DNAJC5: variants seen among roughly 807,000 people sequenced by gnomAD.
DNAJC5 encodes dnaJ homolog subfamily C member 5.
Under a neutral mutation model 23.2 loss-of-function variants are expected in DNAJC5, and 1 was observed. The observed-to-expected ratio is 0.04, with a 90% CI of 0.02 to 0.20. The LOEUF is 0.20. Ranked by LOEUF, DNAJC5 falls within the 10% of genes least tolerant of loss-of-function variation. DNAJC5 has a pLI of 1.00. For synonymous variants in DNAJC5, 136 were observed against 120.0 expected (o/e 1.13, Z -0.87); for missense variants, 180 against 267.0 (o/e 0.67, Z 2.27).
At position 63,914,351 on chromosome 20, in the gene DNAJC5, G is replaced by A. The variant is rs1172271877; in HGVS notation, c.-11-13984G>A. On this transcript the variant is annotated intron_variant, in intron 1 of 4. Transcript: ENST00000360864. ...CTTTTTTGAGACGGAGTCTTGCTCT[G>A]TTGCCCAGGCTGGAGTGTAGTGGCG... Among the ~76,000 whole-genome samples, 3 of 152,334 alleles carry A rather than the reference G, an allele frequency of 2.0e-5. No homozygotes were observed. The East Asian group carries it at 5.8e-4, about 29-fold the overall frequency.
rs556760873 is a variant in DNAJC5, at chr20:63,911,848, AT to A, written c.-11-16476del. ...ACCATCACGCCTGGCGAGTTTTTGTATTTTTTTTTTTAATAGAGATGGGGTT... is the reference window on the plus strand; with the variant it reads ...ACCATCACGCCTGGCGAGTTTTTGTATTTTTTTTTTAATAGAGATGGGGTT... On this transcript the variant is annotated intron_variant, in intron 1 of 4. Transcript: ENST00000360864. Among the ~76,000 whole-genome samples the A allele has an allele frequency of 1.9e-3, 273 of 144,604 alleles. 1 individual carries two copies. The highest frequency in any genetic ancestry group is 5.5e-3 in the African/African-American group (218 of 39,552). The allele number at this position is 144,604 out of a possible 152,430, so 94.9% of individuals were successfully genotyped here.
chr20:63,905,736 A>ATT (rs1342418514), intron 1 of DNAJC5, among the ~76,000 whole-genome samples: 1 of 129,784 alleles, frequency 7.7e-6, no homozygotes, highest in Non-Finnish European at 1.6e-5. Flanking sequence ...TGCCCAGCTA[A>ATT]TTTTTTTTTT....
chr20:63,922,558 G>A (rs982521861), intron 1 of DNAJC5, among the ~76,000 whole-genome samples: 2 of 151,748 alleles, frequency 1.3e-5, no homozygotes, highest in Admixed American at 1.3e-4. Flanking sequence ...GATCACTTGA[G>A]CCAAGGAATT....
intron 1 of DNAJC5, among the ~76,000 whole-genome samples, chr20:63,911,132 C>T (rs2053480480): frequency 6.6e-6 from 1 of 152,178 alleles, no homozygotes; most frequent in Non-Finnish European, 1.5e-5. Context: ...ATGCAGCAAA[C>T]ATTCACTGAA....
chr20:63,905,567 GA>G (rs1356303211), intron 1 of DNAJC5, among the ~76,000 whole-genome samples: 2 of 146,616 alleles, frequency 1.4e-5, no homozygotes, highest in East Asian at 2.0e-4. Flanking sequence ...GCACATGGCA[GA>G]TTTTTTTTTT....
intron 1 of DNAJC5, among the ~76,000 whole-genome samples, chr20:63,924,668 A>G (rs941772896): frequency 2.0e-5 from 3 of 152,188 alleles, no homozygotes; most frequent in Admixed American, 6.5e-5. Flanking sequence ...CCTGGACAAC[A>G]TGGCAAAACC....
At chr20:63,913,082 T>A in intron 1 of DNAJC5, among the ~76,000 whole-genome samples, 1 of 152,254 alleles carries the variant, frequency 6.6e-6, no homozygotes, top group East Asian at 1.9e-4. Flanking sequence ...CCCGTCTCCA[T>A]CTCCCTGTCT....
chr20:63,916,283 T>A (rs2053515139), intron 1 of DNAJC5, among the ~76,000 whole-genome samples: 1 of 152,214 alleles, frequency 6.6e-6, no homozygotes, highest in Admixed American at 6.5e-5. Flanking sequence ...TCAATGTAGG[T>A]TCTTTCTATT....
rs1203733907 is a variant in DNAJC5 at position 63,928,700 on chromosome 20, A to G, written c.107+248A>G. ...AAACTGACACACTGTCCACAGTTCC[A>G]TAGGGAGTCAGGGTCTGAACCTGTT... On this transcript the variant is annotated intron_variant, in intron 2 of 4. Transcript: ENST00000360864. This position sits in a 1 kb window ranked among gnomAD's most constrained non-coding sequence, Gnocchi z 4.6. Among the ~76,000 whole-genome samples the G allele has an allele frequency of 6.6e-6, 1 of 152,216 alleles. No individual in the cohort carries two copies. The highest frequency in any genetic ancestry group is 1.5e-5 in the Non-Finnish European group (1 of 68,036).
At chr20:63,923,433 C>T (rs2146297180) in intron 1 of DNAJC5, among the ~76,000 whole-genome samples, 1 of 151,250 alleles carries the variant, frequency 6.6e-6, no homozygotes, top group South Asian at 2.1e-4. Context: ...CAGAGAAAAA[C>T]CTTGTTTCTA....
chr20:63,926,459 G>C (rs991486535), intron 1 of DNAJC5, among the ~76,000 whole-genome samples: 2 of 152,196 alleles, frequency 1.3e-5, no homozygotes. Context: ...TTCCTGAGGC[G>C]GAGCCTTAGG....
intron 1 of DNAJC5, among the ~76,000 whole-genome samples, chr20:63,908,590 T>A (rs1032322477): frequency 5.3e-5 from 8 of 152,184 alleles, no homozygotes; most frequent in African/African-American, 1.9e-4. Flanking sequence ...CATAGGTATT[T>A]TTATGAATTT....
At chr20:63,917,357 C>T (rs1402270254) in intron 1 of DNAJC5, among the ~76,000 whole-genome samples, 5 of 151,974 alleles carry the variant, frequency 3.3e-5, no homozygotes, top group African/African-American at 1.2e-4. Context: ...TGGGTTCAAG[C>T]GATTCTCTTG....
chr20:63,914,113 C>T (rs1468461527), intron 1 of DNAJC5, among the ~76,000 whole-genome samples: 1 of 152,174 alleles, frequency 6.6e-6, no homozygotes, highest in Non-Finnish European at 1.5e-5. Flanking sequence ...TAGAGCAGCC[C>T]TGACGCCTGC....
At chr20:63,918,669 C>CA (rs1947522768) in intron 1 of DNAJC5, among the ~76,000 whole-genome samples, 2 of 152,208 alleles carry the variant, frequency 1.3e-5, no homozygotes, top group South Asian at 4.1e-4. Flanking sequence ...GATCTCGGCT[C>CA]ACGGCAAGCT....
chr20:63,915,932 G>C (rs552250541), intron 1 of DNAJC5, among the ~76,000 whole-genome samples: 1 of 152,298 alleles, frequency 6.6e-6, no homozygotes, highest in South Asian at 2.1e-4. Context: ...ACAAACCCAT[G>C]TCATTATTAT....
At chr20:63,914,261 AT>A (rs904981055) in intron 1 of DNAJC5, among the ~76,000 whole-genome samples, 13 of 152,214 alleles carry the variant, frequency 8.5e-5, no homozygotes, top group African/African-American at 3.1e-4. Context: ...TGGAATGCTT[AT>A]GTTGAAATAT....
chr20:63,933,755 C>T lies in DNAJC5; in HGVS notation c.*2187C>T, dbSNP rs938345068. 1 of 152,470 alleles carries T rather than the reference C, an allele frequency of 6.6e-6. No individual in the cohort carries two copies. The highest frequency in any genetic ancestry group is 6.5e-5 in the Admixed American group (1 of 15,302). The allele number at this position is 152,470 out of a possible 1,614,324, so 9.4% of individuals were successfully genotyped here. On this transcript the variant is annotated 3_prime_UTR_variant, in exon 5 of 5. Coordinates refer to ENST00000360864, the MANE Select transcript of DNAJC5 (RefSeq NM_025219.3). ...CAAGAGCCAGGTTCTAAGCTTGGAC[C>T]TAAGGTAGAAAGCTGCCCATCGGGG...
At chr20:63,902,675 G>GT (rs35872737) in intron 1 of DNAJC5, among the ~76,000 whole-genome samples, 66,379 of 108,156 alleles carry the variant, frequency 0.61, 23,328 homozygotes, top group Non-Finnish European at 0.78. Context: ...GCCTCATCTT[G>GT]TTTTTTTTTT....
Sources: allele counts gnomAD v4.1 joint callset (sites outside exome capture counted in the v4.1 genomes callset), GRCh38; gene constraint gnomAD v4.1.1; non-coding constraint Gnocchi (gnomAD v3.1); transcripts MANE v1.5; gene names NCBI Gene and HGNC (gene_info 2026-07-23, HGNC 2026-07-21).